Variants in ARHGEF7 observed in about 807,000 individuals in gnomAD.
ARHGEF7 encodes Rho guanine nucleotide exchange factor 7, also known as PAK-interacting exchange factor beta.
A neutral mutation model predicts 109.8 loss-of-function variants in ARHGEF7; 33 were observed. That is an observed-to-expected ratio of 0.30 (90% CI 0.23 to 0.40). The LOEUF is 0.40. ARHGEF7 is among the 10% of genes least tolerant of loss of function. The probability of loss-of-function intolerance (pLI) is 1.00; values close to 1 mark genes in which losing one functional copy is unlikely to be tolerated. For synonymous variants in ARHGEF7, 458 were observed against 424.6 expected (o/e 1.08, Z -0.97); for missense variants, 938 against 1,098.5 (o/e 0.85, Z 2.07).
intron 17 of ARHGEF7, among the ~76,000 whole-genome samples, chr13:111,287,718 C>T (rs1032973184): frequency 2.0e-5 from 3 of 152,158 alleles, no homozygotes; most frequent in African/African-American, 4.8e-5. Flanking sequence ...GAGCAGGAAC[C>T]CCAGGCTGTG....
At chr13:111,240,941 A>G (rs78687165) in intron 6 of ARHGEF7, among the ~76,000 whole-genome samples, 3,897 of 152,240 alleles carry the variant, frequency 0.026, 82 homozygotes, top group Non-Finnish European at 0.036. Flanking sequence ...CGAGATTGGC[A>G]GTGGAAGTTG....
chr13:111,193,868 C>T (rs995419346), intron 2 of ARHGEF7, among the ~76,000 whole-genome samples: 3 of 152,164 alleles, frequency 2.0e-5, no homozygotes, highest in East Asian at 1.9e-4. Flanking sequence ...TCGATTGGTT[C>T]GCCATCCTCT....
intron 19 of ARHGEF7, among the ~76,000 whole-genome samples, chr13:111,297,094 C>T (rs202212889): frequency 0.036 from 5,440 of 152,288 alleles, 130 homozygotes; most frequent in Non-Finnish European, 0.052. Flanking sequence ...GTTAAATCTG[C>T]TTTCTAAAAC....
At chr13:111,195,091 T>C (rs2080335048) in intron 2 of ARHGEF7, among the ~76,000 whole-genome samples, 1 of 152,204 alleles carries the variant, frequency 6.6e-6, no homozygotes, top group Non-Finnish European at 1.5e-5. Flanking sequence ...TTTCAAATGT[T>C]TAACAATATC....
At chr13:111,211,504 G>A (rs2082489936) in intron 4 of ARHGEF7, among the ~76,000 whole-genome samples, 1 of 152,166 alleles carries the variant, frequency 6.6e-6, no homozygotes, top group Non-Finnish European at 1.5e-5. Flanking sequence ...ATCATAGTAA[G>A]TATTGGATTA....
intron 1 of ARHGEF7, chr13:111,144,612 G>A (rs1378733739): frequency 1.3e-5 from 2 of 152,232 alleles, no homozygotes; most frequent in African/African-American, 2.4e-5. Context: ...TGACTACCAT[G>A]TAATTAAAAA....
At chr13:111,254,281 T>C (rs750830440) in intron 8 of ARHGEF7, among the ~76,000 whole-genome samples, 1 of 152,272 alleles carries the variant, frequency 6.6e-6, no homozygotes, top group South Asian at 2.1e-4. Context: ...CTGCAATGTT[T>C]GTAATTTTCA....
chr13:111,269,944 G>A (rs2092001205), intron 9 of ARHGEF7, among the ~76,000 whole-genome samples: 1 of 152,196 alleles, frequency 6.6e-6, no homozygotes, highest in Non-Finnish European at 1.5e-5. Flanking sequence ...TGCCACACCT[G>A]GGGTAGACTA....
At chr13:111,234,312 T>C (rs1423663275) in intron 6 of ARHGEF7, among the ~76,000 whole-genome samples, 1 of 152,222 alleles carries the variant, frequency 6.6e-6, no homozygotes, top group Non-Finnish European at 1.5e-5. Context: ...CACCGTCTTG[T>C]GCTGCGGGGC....
chr13:111,249,515 C>T (rs754478104), intron 8 of ARHGEF7, among the ~76,000 whole-genome samples: 4 of 151,908 alleles, frequency 2.6e-5, no homozygotes, highest in Non-Finnish European at 4.4e-5. Context: ...CTCCGATTGG[C>T]CTCAGTAAGC....
chr13:111,133,808 T>TAAAA (rs1278894025), intron 1 of ARHGEF7, among the ~76,000 whole-genome samples: 1 of 18,718 alleles, frequency 5.3e-5, no homozygotes, highest in Non-Finnish European at 1.1e-4. Context: ...TATATATATA[T>TAAAA]ATATATTTAT....
At chr13:111,116,030 C>A (rs2066743281) in intron 1 of ARHGEF7, among the ~76,000 whole-genome samples, 1 of 152,202 alleles carries the variant, frequency 6.6e-6, no homozygotes, top group Non-Finnish European at 1.5e-5. Flanking sequence ...GCCCCGCTCC[C>A]TGGCAGCAGC....
In ARHGEF7 at chr13:111,255,653, G is replaced by A; in HGVS notation, c.950+11359G>A. Among the ~76,000 whole-genome samples the A allele has an allele frequency of 6.6e-6, 1 of 152,230 alleles. No individual in the cohort carries two copies. The highest frequency in any genetic ancestry group is 1.9e-4 in the East Asian group (1 of 5,202). Reference sequence around the variant, plus strand: ...TTGGAGGGCCCTGAGTGAGCTGGCTGGTGTTCGTGAAAGAAGATCTGTTTT... The same window carrying A: ...TTGGAGGGCCCTGAGTGAGCTGGCTAGTGTTCGTGAAAGAAGATCTGTTTT... On this transcript the variant is annotated intron_variant, in intron 8 of 21. Coordinates refer to ENST00000646102, the MANE Select transcript of ARHGEF7 (RefSeq NM_001354046.2). This position sits in a 1 kb window ranked among gnomAD's most constrained non-coding sequence, Gnocchi z 4.1.
At chr13:111,115,901 G>A (rs926927099) in intron 1 of ARHGEF7, among the ~76,000 whole-genome samples, 2 of 150,732 alleles carry the variant, frequency 1.3e-5, no homozygotes, top group South Asian at 2.1e-4. Context: ...CGGGGAGCGG[G>A]GTCGGGGGGA....
At chr13:111,230,866 G>A (rs1310109913) in intron 5 of ARHGEF7, among the ~76,000 whole-genome samples, 1 of 152,132 alleles carries the variant, frequency 6.6e-6, no homozygotes, top group African/African-American at 2.4e-5. Context: ...GATTTGACTG[G>A]GTTTCTTCTG....
At chr13:111,299,845 C>A (rs1263172848) in intron 19 of ARHGEF7, among the ~76,000 whole-genome samples, 1 of 152,076 alleles carries the variant, frequency 6.6e-6, no homozygotes, top group African/African-American at 2.4e-5. Flanking sequence ...CATGAGTGTC[C>A]CTTCTTCATG....
chr13:111,135,965 G>A (rs1378222653), intron 1 of ARHGEF7, among the ~76,000 whole-genome samples: 9 of 152,132 alleles, frequency 5.9e-5, no homozygotes, highest in African/African-American at 1.4e-4. Context: ...TTTGAGATAC[G>A]TCCCATCAAT....
chr13:111,158,030 A>G (rs949373357), intron 2 of ARHGEF7, among the ~76,000 whole-genome samples: 2 of 152,236 alleles, frequency 1.3e-5, no homozygotes, highest in African/African-American at 4.8e-5. Flanking sequence ...AGGATATAAG[A>G]TTCCAGTTAA....
At chr13:111,283,652 A>G (rs1823389802) in intron 16 of ARHGEF7, among the ~76,000 whole-genome samples, 1 of 152,134 alleles carries the variant, frequency 6.6e-6, no homozygotes, top group South Asian at 2.1e-4. Flanking sequence ...GGAGCTGGAA[A>G]GGCGCTGAGC....
Sources: gnomAD v4.1 joint callset for allele counts (sites outside exome capture counted in the v4.1 genomes callset) on GRCh38, gnomAD v4.1.1 for gene constraint, Gnocchi (gnomAD v3.1) non-coding constraint, MANE v1.5 for transcripts, NCBI Gene and HGNC (gene_info 2026-07-23, HGNC 2026-07-21) for gene names.